The following DSG3 variants were observed in gnomAD, a reference collection of about 807,000 sequenced individuals.
DSG3 encodes desmoglein-3.
DSG3 carries 63 observed loss-of-function variants against 85.9 expected under a neutral mutation model. The observed-to-expected ratio is 0.73, with a 90% CI of 0.60 to 0.90. DSG3 has a LOEUF of 0.90. DSG3 is among the 40% of genes least tolerant of loss of function. The probability of loss-of-function intolerance (pLI) is 0.00; values close to 1 mark genes in which losing one functional copy is unlikely to be tolerated. For synonymous variants in DSG3, 447 were observed against 441.9 expected, an observed-to-expected ratio of 1.01 and a Z score of -0.14; for missense variants, 1,220 against 1,219.9, an observed-to-expected ratio of 1.00 and a Z score of 0.00.
intron 1 of DSG3, among the ~76,000 whole-genome samples, chr18:31,450,743 A>G (rs2072706610): frequency 6.6e-6 from 1 of 152,198 alleles, no homozygotes; most frequent in Admixed American, 6.5e-5. Context: ...CCCCCTGCCT[A>G]ATGAAAATGG....
rs1315956177 is a variant in DSG3, at chr18:31,476,379, A to G, written c.*119A>G. 1.7e-6 allele frequency: 2 copies of G among 1,187,804 alleles called. No individual in the cohort carries two copies. Among genetic ancestry groups the G allele is most frequent in the Non-Finnish European group, 2.3e-6 (2 of 855,584 alleles). The allele number at this position is 1,187,804 out of a possible 1,614,324, so 73.6% of individuals were successfully genotyped here. On this transcript the variant is annotated 3_prime_UTR_variant, in exon 16 of 16. Coordinates refer to ENST00000257189, the MANE Select transcript of DSG3 (RefSeq NM_001944.3). Reference sequence around the variant, plus strand: ...AATTTGGCACTTATTAGCTTCTCTCATAAACTGATCACGATTATAAATTAA... The same window carrying G: ...AATTTGGCACTTATTAGCTTCTCTCGTAAACTGATCACGATTATAAATTAA...
chr18:31,460,718 A>G, intron 6 of DSG3, 115 bp from the exon 7 acceptor site: 1 of 983,906 alleles, frequency 1.0e-6, no homozygotes, highest in Non-Finnish European at 1.4e-6. Flanking sequence ...GAGTCCCACA[A>G]ATGTCTTCTA....
At position 31,447,905 on chromosome 18, in the gene DSG3, G is replaced by T; in HGVS notation, c.28G>T (p.Gly10Trp). 1 of 1,588,252 alleles carries T rather than the reference G, an allele frequency of 6.3e-7. No homozygotes were observed. The highest frequency in any genetic ancestry group is 2.4e-5 in the East Asian group (1 of 41,890). ...GATGGGGCTCTTCCCCAGAACTACA[G>T]GGGCTCTGGCCATCTTCGTGGTAAG... is the stretch of plus-strand genomic sequence containing the variant. MMGLFPRTT[G>W]ALAIFVVVIL... The change falls in exon 1 of 16, where the codon GGG becomes TGG. Residue 10 changes from glycine (G) to tryptophan (W), a missense_variant. Physicochemically the swap from Gly to Trp is radical, Grantham distance 184. Coordinates refer to ENST00000257189, the MANE Select transcript of DSG3 (RefSeq NM_001944.3).
intron 6 of DSG3, among the ~76,000 whole-genome samples, chr18:31,460,395 C>T (rs1471575496): frequency 6.6e-6 from 1 of 152,136 alleles, no homozygotes; most frequent in Non-Finnish European, 1.5e-5. Flanking sequence ...CACACTTTTT[C>T]TCCTGACTTC....
At position 31,461,377 on chromosome 18, in the gene DSG3, C is replaced by T. The variant is rs369821354; in HGVS notation, c.964C>T (p.Pro322Ser). The change falls in exon 8 of 16, where the codon CCT becomes TCT. Residue 322 changes from proline (P) to serine (S), a missense_variant. Coordinates refer to ENST00000257189, the MANE Select transcript of DSG3 (RefSeq NM_001944.3). Reference sequence around the variant, plus strand: ...AAATTGGTTTGAAATACAAACTGATCCTAGAACTAATGAAGGCATCCTGAA... The same window carrying T: ...AAATTGGTTTGAAATACAAACTGATTCTAGAACTAATGAAGGCATCCTGAA... ...EGNWFEIQTD[P>S]RTNEGILKVV... is the part of the protein sequence containing the mutation. The T allele has an allele frequency of 6.2e-7, 1 of 1,613,414 alleles. No individual in the cohort carries two copies. Among genetic ancestry groups the T allele is most frequent in the East Asian group, 2.2e-5 (1 of 44,794 alleles).
Position 31,476,335 on chromosome 18 carries a change from C to A in DSG3, c.*75C>A. 1 of 1,509,150 alleles carries A rather than the reference C, an allele frequency of 6.6e-7. No homozygotes were observed. Among genetic ancestry groups the A allele is most frequent in the Non-Finnish European group, 8.9e-7 (1 of 1,123,422 alleles). 93.5% of individuals were successfully genotyped at this position (1,509,150 alleles called of 1,614,324 possible). A position where few individuals can be genotyped will look rare whatever the true frequency, so the allele number is the denominator to read the frequency against. ...AAGTATTCAAAATAGCATAGCAAAG[C>A]TCACTGTATTGGGCTAATAATTTGG... On this transcript the variant is annotated 3_prime_UTR_variant, in exon 16 of 16. Transcript: ENST00000257189.
Position 31,476,883 on chromosome 18 carries a change from C to T in DSG3, c.*623C>T, listed in dbSNP as rs1395874088. 5 of 148,392 alleles carry T rather than the reference C, an allele frequency of 3.4e-5. No individual in the cohort carries two copies. Among genetic ancestry groups the T allele is most frequent in the Non-Finnish European group, 7.4e-5 (5 of 67,582 alleles). 9.2% of individuals were successfully genotyped at this position (148,392 alleles called of 1,614,324 possible). On this transcript the variant is annotated 3_prime_UTR_variant, in exon 16 of 16. Transcript: ENST00000257189. ...CTGAGGCAGGAGAATGGCATGAACC[C>T]GGGAAGCGGAGCTTGCAGTGAGCCG...
chr18:31,475,510 A>T, intron 15 of DSG3, 136 bp from the exon 16 acceptor site: 1 of 1,070,156 alleles, frequency 9.3e-7, no homozygotes, highest in Non-Finnish European at 1.3e-6. Context: ...CAAGATTGTT[A>T]ATAGACAGTG....
chr18:31,450,512 A>G lies in DSG3; in HGVS notation c.48+2587A>G, dbSNP rs577228666. ...GGGGAAAAGCAATGTTTTCTAAAGCATTCTCAAGTGGGAATGCTCATTTTT... is the reference window on the plus strand; with the variant it reads ...GGGGAAAAGCAATGTTTTCTAAAGCGTTCTCAAGTGGGAATGCTCATTTTT... On this transcript the variant is annotated intron_variant, in intron 1 of 15. Transcript: ENST00000257189. Among the ~76,000 whole-genome samples the G allele has an allele frequency of 4.6e-5, 7 of 152,340 alleles. No individual in the cohort carries two copies. The South Asian group carries it at 1.4e-3, about 32-fold the overall frequency.
intron 4 of DSG3, 120 bp from the exon 5 acceptor site, chr18:31,458,913 G>A: frequency 1.6e-6 from 2 of 1,282,798 alleles, no homozygotes; most frequent in Middle Eastern, 4.5e-4. Context: ...ACCCTTTGGG[G>A]AAACATTTCT....
chr18:31,462,749 T>A (rs953590290), intron 8 of DSG3, among the ~76,000 whole-genome samples: 1 of 152,198 alleles, frequency 6.6e-6, no homozygotes, highest in Non-Finnish European at 1.5e-5. Context: ...TCCTCTCTTC[T>A]CTTAGATGAT....
At chr18:31,456,876 T>TA in intron 2 of DSG3, 117 bp from the exon 3 acceptor site, 1 of 1,007,674 alleles carries the variant, frequency 9.9e-7, no homozygotes. Context: ...ATTAGATACC[T>TA]AACAGTCTTA....
intron 8 of DSG3, among the ~76,000 whole-genome samples, chr18:31,463,426 C>T (rs1293797484): frequency 6.6e-6 from 1 of 152,160 alleles, no homozygotes; most frequent in Non-Finnish European, 1.5e-5. Flanking sequence ...ATTTTCTTAT[C>T]TCATCACTCT....
At chr18:31,460,056 A>T (rs1034485868) in intron 6 of DSG3, 45 bp downstream of exon 6, 17 of 1,551,072 alleles carry the variant, frequency 1.1e-5, no homozygotes, top group Non-Finnish European at 1.5e-5. Flanking sequence ...AAAGGGTTTG[A>T]TTATAAGAAA....
intron 13 of DSG3, 59 bp from the exon 14 acceptor site, chr18:31,472,666 T>C (rs2072863185): frequency 6.4e-7 from 1 of 1,556,462 alleles, no homozygotes; most frequent in Admixed American, 1.7e-5. Context: ...CACATGTCAC[T>C]ATATTGCTCT....
At chr18:31,452,317 G>A (rs916595069) in intron 1 of DSG3, among the ~76,000 whole-genome samples, 3 of 151,988 alleles carry the variant, frequency 2.0e-5, no homozygotes, top group Non-Finnish European at 4.4e-5. Flanking sequence ...TCAAGAGATT[G>A]AGACCATCCT....
chr18:31,468,532 G>A (rs908068930), intron 11 of DSG3, among the ~76,000 whole-genome samples: 3 of 152,200 alleles, frequency 2.0e-5, no homozygotes, highest in African/African-American at 7.2e-5. Flanking sequence ...GGAGGCAGGT[G>A]TAGACAGATT....
At chr18:31,474,760 T>G (rs966644402) in intron 15 of DSG3, among the ~76,000 whole-genome samples, 1 of 151,988 alleles carries the variant, frequency 6.6e-6, no homozygotes, top group Admixed American at 6.6e-5. Context: ...GTCTCTAAAA[T>G]AAACAAATTA....
chr18:31,451,873 A>G (rs2072713587), intron 1 of DSG3, among the ~76,000 whole-genome samples: 1 of 152,158 alleles, frequency 6.6e-6, no homozygotes, highest in Admixed American at 6.5e-5. Context: ...CTTTCTGTCC[A>G]CTTAAGAGTC....
Sources: gnomAD v4.1 joint callset for allele counts (sites outside exome capture counted in the v4.1 genomes callset) on GRCh38, gnomAD v4.1.1 for gene constraint, MANE v1.5 for transcripts, NCBI Gene and HGNC (gene_info 2026-07-23, HGNC 2026-07-21) for gene names.